The following LRRC4C variants were observed in gnomAD, a reference collection of about 807,000 sequenced individuals.
LRRC4C encodes leucine-rich repeat-containing protein 4C.
A neutral mutation model predicts 33.6 loss-of-function variants in LRRC4C; 5 were observed. The ratio of observed to expected loss-of-function variants is 0.15; its 90% CI spans 0.08 to 0.31. LRRC4C has a LOEUF of 0.31. LRRC4C is among the 10% of genes least tolerant of loss of function. The pLI is 1.00. For synonymous variants in LRRC4C, 329 were observed against 302.0 expected (o/e 1.09, Z -0.93); for missense variants, 560 against 796.7 (o/e 0.70, Z 3.58).
intron 1 of LRRC4C, among the ~76,000 whole-genome samples, chr11:41,033,557 C>T (rs942500693): frequency 6.6e-6 from 1 of 152,030 alleles, no homozygotes; most frequent in African/African-American, 2.4e-5. Flanking sequence ...TACCCCACAT[C>T]CTGGGAATCC....
chr11:40,224,274 A>G (rs1293382010), intron 5 of LRRC4C, among the ~76,000 whole-genome samples: 23 of 152,318 alleles, frequency 1.5e-4, no homozygotes, highest in African/African-American at 2.4e-5. Flanking sequence ...TATAATTCCA[A>G]TTGCACCTAG....
intron 5 of LRRC4C, among the ~76,000 whole-genome samples, chr11:40,146,007 G>A (rs549208522): frequency 6.6e-5 from 10 of 152,136 alleles, no homozygotes; most frequent in African/African-American, 2.4e-4. Context: ...GAGAGAGCAA[G>A]GTATATGGGG....
intron 2 of LRRC4C, among the ~76,000 whole-genome samples, chr11:40,811,716 C>T (rs976856329): frequency 4.3e-4 from 66 of 152,128 alleles, no homozygotes; most frequent in African/African-American, 1.5e-3. Context: ...AAGCTGGTCT[C>T]AAACTCTGAG....
intron 3 of LRRC4C, among the ~76,000 whole-genome samples, chr11:40,566,817 C>G (rs1957786108): frequency 6.6e-6 from 1 of 152,016 alleles, no homozygotes; most frequent in Non-Finnish European, 1.5e-5. Context: ...GGGATACCAC[C>G]TGAAAAGGAA....
chr11:40,662,223 T>C (rs1242826788), intron 2 of LRRC4C, among the ~76,000 whole-genome samples: 2 of 152,164 alleles, frequency 1.3e-5, no homozygotes, highest in African/African-American at 2.4e-5. Context: ...AAATGAAATG[T>C]CAATCCTAGG....
intron 2 of LRRC4C, among the ~76,000 whole-genome samples, chr11:40,851,416 G>A (rs751653784): frequency 8.6e-5 from 13 of 152,006 alleles, no homozygotes; most frequent in East Asian, 1.9e-4. Flanking sequence ...TGTGCTTCCC[G>A]GGTGAGGCAA....
At chr11:40,370,210 T>C (rs1280684076) in intron 3 of LRRC4C, among the ~76,000 whole-genome samples, 5 of 152,118 alleles carry the variant, frequency 3.3e-5, no homozygotes, top group African/African-American at 4.8e-5. Context: ...AGCCAGCCAG[T>C]AGGGTTCTCA....
At chr11:41,283,530 T>A (rs1235753610) in intron 1 of LRRC4C, among the ~76,000 whole-genome samples, 1 of 152,244 alleles carries the variant, frequency 6.6e-6, no homozygotes, top group Non-Finnish European at 1.5e-5. Flanking sequence ...AATACTATTC[T>A]ATTCTGACCT....
At chr11:41,075,410 G>A (rs1223959506) in intron 1 of LRRC4C, among the ~76,000 whole-genome samples, 1 of 152,122 alleles carries the variant, frequency 6.6e-6, no homozygotes, top group Non-Finnish European at 1.5e-5. Flanking sequence ...GCTTTATTAA[G>A]CCTCTAGGAT....
intron 1 of LRRC4C, among the ~76,000 whole-genome samples, chr11:41,346,477 T>G (rs180721355): frequency 5.9e-5 from 9 of 152,238 alleles, no homozygotes; most frequent in Non-Finnish European, 1.0e-4. Context: ...TCCCATTTTC[T>G]GTTTTAACTT....
chr11:40,211,315 C>T (rs757196488), intron 5 of LRRC4C, among the ~76,000 whole-genome samples: 26 of 152,008 alleles, frequency 1.7e-4, no homozygotes, highest in Non-Finnish European at 2.8e-4. Context: ...AAATAGATAA[C>T]GAGAAAATAA....
chr11:40,581,998 G>A (rs1330875790), intron 3 of LRRC4C, among the ~76,000 whole-genome samples: 4 of 151,976 alleles, frequency 2.6e-5, no homozygotes, highest in Admixed American at 6.6e-5. Context: ...AGAAAGCCAA[G>A]AAAACACATT....
chr11:41,398,574 T>C (rs1425987959), intron 1 of LRRC4C, among the ~76,000 whole-genome samples: 1 of 151,952 alleles, frequency 6.6e-6, no homozygotes, highest in African/African-American at 2.4e-5. Flanking sequence ...GAGGGATCAC[T>C]GAATGTTACC....
In LRRC4C at chr11:41,148,274, C is replaced by T. The variant is rs570073260; in HGVS notation, c.-495-214551G>A. On this transcript the variant is annotated intron_variant, in intron 1 of 6. Transcript: ENST00000528697. ...TTCTGATCTGCCTGCCTCAGACTCC[C>T]AAAGTGCTGGGATTACAGGAGCAGG... 2.6e-5 allele frequency among the ~76,000 whole-genome samples: 4 copies of T among 152,152 alleles called. No homozygotes were observed. In the South Asian group the frequency reaches 8.3e-4, roughly 32 times the overall value.
intron 5 of LRRC4C, among the ~76,000 whole-genome samples, chr11:40,203,120 C>T (rs904086160): frequency 6.6e-6 from 1 of 152,126 alleles, no homozygotes; most frequent in Non-Finnish European, 1.5e-5. Context: ...CTTGCACAGA[C>T]TCTATTGGGA....
intron 2 of LRRC4C, among the ~76,000 whole-genome samples, chr11:40,688,798 A>G (rs562987217): frequency 1.8e-4 from 27 of 152,252 alleles, no homozygotes; most frequent in African/African-American, 6.0e-4. Flanking sequence ...TTCACACATA[A>G]TGAACCACAG....
intron 1 of LRRC4C, among the ~76,000 whole-genome samples, chr11:41,369,382 G>T (rs570620867): frequency 6.6e-6 from 1 of 152,122 alleles, no homozygotes; most frequent in South Asian, 2.1e-4. Context: ...CTCTAAGAGG[G>T]TGGAGGGTAG....
chr11:41,127,710 G>T (rs1023026814), intron 1 of LRRC4C, among the ~76,000 whole-genome samples: 1 of 141,840 alleles, frequency 7.1e-6, no homozygotes, highest in Non-Finnish European at 1.5e-5. Context: ...TTTAATTGCC[G>T]TGCTTGAGTC....
intron 3 of LRRC4C, among the ~76,000 whole-genome samples, chr11:40,459,798 T>TTG (rs747222851): frequency 1.2e-4 from 18 of 151,034 alleles, no homozygotes; most frequent in Non-Finnish European, 1.9e-4. Context: ...TGAGGGGTCC[T>TTG]TGTTGTTGGT....
Sources: gnomAD v4.1 joint callset for allele counts (sites outside exome capture counted in the v4.1 genomes callset) on GRCh38, gnomAD v4.1.1 for gene constraint, MANE v1.5 for transcripts, NCBI Gene and HGNC (gene_info 2026-07-23, HGNC 2026-07-21) for gene names.